Variants in FANCI observed in about 807,000 individuals in gnomAD.
FANCI encodes FA complementation group I.
A neutral mutation model predicts 176.1 loss-of-function variants in FANCI; 156 were observed. That is an observed-to-expected ratio of 0.89 (90% confidence interval 0.78 to 1.01). The LOEUF is 1.01. Ranked by LOEUF, FANCI falls within the 50% of genes least tolerant of loss-of-function variation. FANCI has a pLI of 0.00. For synonymous variants in FANCI, 613 were observed against 541.7 expected (o/e 1.13, Z -1.83); for missense variants, 1,678 against 1,534.1 (o/e 1.09, Z -1.57).
At chr15:89,249,679 A>C (rs958623965) in intron 2 of FANCI, among the ~76,000 whole-genome samples, 2 of 152,192 alleles carry the variant, frequency 1.3e-5, no homozygotes, top group African/African-American at 2.4e-5. Context: ...ATGTAAATGA[A>C]GGAATAGAAC....
intron 19 of FANCI, among the ~76,000 whole-genome samples, chr15:89,291,043 T>C (rs576392400): frequency 6.6e-6 from 1 of 152,278 alleles, no homozygotes; most frequent in African/African-American, 2.4e-5. Context: ...TTTGAAGGCA[T>C]AGAATAGCGC....
chr15:89,256,941 C>T (rs1211837661), intron 2 of FANCI, among the ~76,000 whole-genome samples: 1 of 152,150 alleles, frequency 6.6e-6, no homozygotes, highest in Non-Finnish European at 1.5e-5. Context: ...GAGTCTCGCT[C>T]TGTCACCCAG....
chr15:89,314,747 C>G, intron 36 of FANCI, 40 bp downstream of exon 36: 1 of 1,450,822 alleles, frequency 6.9e-7, no homozygotes, highest in Non-Finnish European at 9.7e-7. Context: ...TCCCATTTAC[C>G]TTCTTGACAG....
chr15:89,294,399 G>C (rs1456340236), intron 23 of FANCI, among the ~76,000 whole-genome samples: 1 of 152,060 alleles, frequency 6.6e-6, no homozygotes, highest in Non-Finnish European at 1.5e-5. Context: ...AGCCATGACC[G>C]ATATGGTGCG....
chr15:89,295,611 A>G (rs1375473929), intron 24 of FANCI, among the ~76,000 whole-genome samples: 8 of 152,104 alleles, frequency 5.3e-5, no homozygotes, highest in Admixed American at 5.2e-4. Context: ...GGTTGCAGTG[A>G]GCCTAGATTG....
chr15:89,295,043 C>A lies in FANCI; in HGVS notation c.2585C>A (p.Pro862His). The change falls in exon 24 of 38, where the codon CCT (proline) becomes CAT (histidine). Residue 862 changes from proline to histidine, a missense_variant. Transcript: ENST00000310775. ...AAGGAAACAGGGCATGTGAGTGGCCCTGATGGCCAAAACCCAGAAAAGATC... is the reference window on the plus strand; with the variant it reads ...AAGGAAACAGGGCATGTGAGTGGCCATGATGGCCAAAACCCAGAAAAGATC... Reference protein sequence around the residue: ...QLKETGHVSGPDGQNPEKIFQ... With the variant: ...QLKETGHVSGHDGQNPEKIFQ... 1 of 1,552,084 alleles carries A rather than the reference C, an allele frequency of 6.4e-7. No individual in the cohort carries two copies. The highest frequency in any genetic ancestry group is 1.4e-5 in the African/African-American group (1 of 73,120).
At chr15:89,290,071 A>G in intron 18 of FANCI, 142 bp from the exon 19 acceptor site, 1 of 708,960 alleles carries the variant, frequency 1.4e-6, no homozygotes, top group South Asian at 1.5e-5. Context: ...CATTTATATT[A>G]GGGCATTTAG....
chr15:89,308,939 C>A (rs2054839538), intron 34 of FANCI, among the ~76,000 whole-genome samples: 3 of 136,932 alleles, frequency 2.2e-5, no homozygotes. Context: ...GAGCGAAACT[C>A]CGTCTCAAAA....
intron 10 of FANCI, among the ~76,000 whole-genome samples, chr15:89,269,986 T>G (rs1249686915): frequency 6.6e-6 from 1 of 152,174 alleles, no homozygotes; most frequent in African/African-American, 2.4e-5. Context: ...AATTTTCGTA[T>G]TTTTAATAGA....
chr15:89,277,315 CAAAA>C (rs71149289), intron 13 of FANCI, among the ~76,000 whole-genome samples: 45,402 of 151,504 alleles, frequency 0.3, 8,200 homozygotes, highest in Non-Finnish European at 0.39. Context: ...GAAAATAAAA[CAAAA>C]AAAGAATCAT....
At position 89,273,462 on chromosome 15, in the gene FANCI, A is replaced by G; in HGVS notation, c.968A>G (p.Gln323Arg). Reference sequence around the variant, plus strand: ...TCTGTAACAAGAATACAAAGATTTCAGGACCAGGTATTTTTTTAAAATGCC... The same window carrying G: ...TCTGTAACAAGAATACAAAGATTTCGGGACCAGGTATTTTTTTAAAATGCC... The part of the protein sequence containing the change: ...LLSVTRIQRF[Q>R]DQVLDLLKTS... The change falls in exon 11 of 38, where the codon CAG becomes CGG. Residue 323 changes from glutamine to arginine, a missense_variant. Transcript: ENST00000310775. 1 of 1,562,716 alleles carries G rather than the reference A, an allele frequency of 6.4e-7. No individual in the cohort carries two copies. Among genetic ancestry groups the G allele is most frequent in the Non-Finnish European group, 8.8e-7 (1 of 1,136,712 alleles).
chr15:89,260,909 A>G, intron 4 of FANCI, 66 bp downstream of exon 4: 2 of 1,593,104 alleles, frequency 1.3e-6, no homozygotes, highest in Non-Finnish European at 1.7e-6. Context: ...TTGTTGAGGG[A>G]AGGAAAACTT....
At chr15:89,285,452 T>C (rs2053777890) in intron 18 of FANCI, among the ~76,000 whole-genome samples, 1 of 152,018 alleles carries the variant, frequency 6.6e-6, no homozygotes, top group Admixed American at 6.6e-5. Context: ...ACTCTGTCTT[T>C]ACAAAAAATA....
Position 89,306,000 on chromosome 15 carries a change from C to T in FANCI, c.3350-7C>T. ...GGTTTGAATGTGCCAATTTTATTTC[C>T]CTTTAGAAGAGGCCTCTTCTCAGGC... On this transcript the variant is annotated splice_region_variant and splice_polypyrimidine_tract_variant and intron_variant, in intron 31 of 37. Transcript: ENST00000310775. The T allele has an allele frequency of 1.2e-6, 2 of 1,613,996 alleles. No homozygotes were observed. The highest frequency in any genetic ancestry group is 1.7e-6 in the Non-Finnish European group (2 of 1,179,970).
chr15:89,281,077 A>G, intron 14 of FANCI, 93 bp from the exon 15 acceptor site: 1 of 1,345,170 alleles, frequency 7.4e-7, no homozygotes. Context: ...GAGAAAGGAA[A>G]CAAAAGACTT....
chr15:89,292,979 G>T lies in FANCI; in HGVS notation c.2207G>T (p.Gly736Val), dbSNP rs1218979231. ...GATTTTTCTCAGAGCACCAGTATTG[G>T]CATAAAAAATAATATCTGTGCTTTT... is the stretch of plus-strand genomic sequence containing the variant. ...SADFSQSTSI[G>V]IKNNICAFLV... is the part of the protein sequence containing the mutation. The change falls in exon 22 of 38, where the codon GGC becomes GTC. Residue 736 changes from glycine (G) to valine (V), a missense_variant. Physicochemically the swap from Gly to Val is moderately radical, Grantham distance 109. Transcript: ENST00000310775. 6.2e-7 allele frequency: 1 copy of T among 1,614,016 alleles called. No homozygotes were observed. The highest frequency in any genetic ancestry group is 8.5e-7 in the Non-Finnish European group (1 of 1,179,964).
At chr15:89,264,049 C>G in intron 8 of FANCI, 23 bp downstream of exon 8, 1 of 1,613,798 alleles carries the variant, frequency 6.2e-7, no homozygotes, top group African/African-American at 1.3e-5. Context: ...AATTGTTTCT[C>G]CTTAGTTCTG....
chr15:89,294,493 G>A (rs987986738), intron 23 of FANCI, among the ~76,000 whole-genome samples: 47 of 152,124 alleles, frequency 3.1e-4, no homozygotes, highest in African/African-American at 9.7e-4. Flanking sequence ...GCCGAGGCAG[G>A]AGACTCACTT....
At chr15:89,296,697 A>G (rs548644824) in intron 24 of FANCI, among the ~76,000 whole-genome samples, 147 of 152,206 alleles carry the variant, frequency 9.7e-4, no homozygotes, top group Middle Eastern at 3.4e-3. Flanking sequence ...CCCGTTCTCA[A>G]TGAGCTGTTG....
Sources: allele counts gnomAD v4.1 joint callset (sites outside exome capture counted in the v4.1 genomes callset), GRCh38; gene constraint gnomAD v4.1.1; transcripts MANE v1.5; gene names NCBI Gene and HGNC (gene_info 2026-07-23, HGNC 2026-07-21).